CACNB2: variants seen among roughly 807,000 people sequenced by gnomAD.
CACNB2 encodes the protein voltage-dependent L-type calcium channel subunit beta-2.
Under a neutral mutation model 73.3 loss-of-function variants are expected in CACNB2, and 42 were observed. The observed-to-expected ratio is 0.57, with a 90% CI of 0.45 to 0.74. CACNB2 has a LOEUF of 0.74. Among genes scored for constraint, CACNB2 ranks in the 30% least tolerant of loss-of-function variants. CACNB2 has a pLI of 0.00. For missense variants in CACNB2, 940 were observed against 853.0 expected, an observed-to-expected ratio of 1.10 and a Z score of -1.27; for synonymous variants, 348 against 310.3, an observed-to-expected ratio of 1.12 and a Z score of -1.28.
intron 3 of CACNB2, among the ~76,000 whole-genome samples, chr10:18,426,041 T>C (rs1185885054): frequency 6.6e-6 from 1 of 152,208 alleles, no homozygotes; most frequent in Non-Finnish European, 1.5e-5. Context: ...TATCAACCCA[T>C]CATATTTTTC....
chr10:18,537,656 A>G (rs145324709), intron 12 of CACNB2, among the ~76,000 whole-genome samples: 119 of 152,190 alleles, frequency 7.8e-4, no homozygotes, highest in African/African-American at 2.8e-3. Flanking sequence ...AGGCACCTGT[A>G]ACCCCAGCTA....
Position 18,543,311 on chromosome 10 carries a change from C to A in CACNB2, c.*3587C>A, listed in dbSNP as rs966011871. On this transcript the variant is annotated 3_prime_UTR_variant, in exon 14 of 14. Transcript: ENST00000324631. ...TATGTCTGATTAAAAAAAAAGATAC[C>A]TCCACGTAGATAAAATATTTTATTC... is the stretch of plus-strand genomic sequence containing the variant. The A allele has an allele frequency of 2.0e-5, 3 of 151,898 alleles. No homozygotes were observed. The highest frequency in any genetic ancestry group is 7.3e-5 in the African/African-American group (3 of 41,352). The allele number at this position is 151,898 out of a possible 1,614,324, so 9.4% of individuals were successfully genotyped here.
At chr10:18,347,911 G>C (rs867196813) in intron 2 of CACNB2, among the ~76,000 whole-genome samples, 2 of 152,192 alleles carry the variant, frequency 1.3e-5, no homozygotes, top group African/African-American at 4.8e-5. Context: ...TACATCAGAA[G>C]GTTTTGAGCG....
At chr10:18,260,346 G>T (rs1461291989) in intron 2 of CACNB2, 1 of 694,996 alleles carries the variant, frequency 1.4e-6, no homozygotes, top group African/African-American at 1.9e-5. Flanking sequence ...ATCATAGGTG[G>T]TATGAGATCT....
intron 2 of CACNB2, among the ~76,000 whole-genome samples, chr10:18,234,944 C>A (rs1032358985): frequency 5.8e-4 from 86 of 149,556 alleles, no homozygotes; most frequent in Admixed American, 1.9e-3. Context: ...GAGATCGAGA[C>A]CATCCTGGCT....
intron 2 of CACNB2, among the ~76,000 whole-genome samples, chr10:18,347,874 TGAAAG>T (rs1270715760): frequency 1.3e-5 from 2 of 152,202 alleles, no homozygotes; most frequent in East Asian, 3.8e-4. Context: ...TATAAACACT[TGAAAG>T]GAATTTTTCA....
rs1032878637 is a variant in CACNB2 at position 18,385,406 on chromosome 10, C to T, written c.214-16518C>T. On this transcript the variant is annotated intron_variant, in intron 2 of 13. Coordinates refer to ENST00000324631, the MANE Select transcript of CACNB2 (RefSeq NM_201596.3). ...CCCACAGGTTTTAAAAATGTGCAGC[C>T]ACTTAAATGTTCTAGAGCTAGCCTA... Among the ~76,000 whole-genome samples the T allele has an allele frequency of 7.5e-5, 10 of 133,902 alleles. No individual in the cohort carries two copies. The South Asian group carries it at 1.8e-3, about 24-fold the overall frequency. The allele number at this position is 133,902 out of a possible 152,430, so 87.8% of individuals were successfully genotyped here. A position where few individuals can be genotyped will look rare whatever the true frequency, so the allele number is the denominator to read the frequency against.
In CACNB2 at chr10:18,401,894, C is replaced by G. The variant is rs373373786; in HGVS notation, c.214-30C>G. ...CCAATGCAAACATCATAGACTGAAT[C>G]TACTTTAAAATGTACATTTTCCTCT... On this transcript the variant is annotated intron_variant, in intron 2 of 13. Transcript: ENST00000324631. The G allele has an allele frequency of 8.1e-6, 13 of 1,611,888 alleles. No homozygotes were observed. The African/African-American group carries it at 1.6e-4, about 20-fold the overall frequency.
Position 18,520,041 on chromosome 10 carries a change from C to G in CACNB2, c.944+1073C>G. 1.1e-5 allele frequency: 3 copies of G among 274,052 alleles called. No homozygotes were observed. In the South Asian group the frequency reaches 1.1e-4, roughly 10 times the overall value. 17.0% of individuals were successfully genotyped at this position (274,052 alleles called of 1,614,324 possible). A position where few individuals can be genotyped will look rare whatever the true frequency, so the allele number is the denominator to read the frequency against. ...CTCATCAACTGGAAATCTTGGACAG[C>G]CCAGGGCTAAGCTCTATGATGTCTT... On this transcript the variant is annotated intron_variant, in intron 9 of 13. Coordinates refer to ENST00000324631, the MANE Select transcript of CACNB2 (RefSeq NM_201596.3).
intron 2 of CACNB2, among the ~76,000 whole-genome samples, chr10:18,306,615 T>C (rs147824878): frequency 2.6e-5 from 4 of 152,166 alleles, no homozygotes; most frequent in Non-Finnish European, 5.9e-5. Flanking sequence ...TAAAGTGTTA[T>C]GTATGGACAT....
chr10:18,342,286 A>G (rs61839208), intron 2 of CACNB2, among the ~76,000 whole-genome samples: 1 of 152,156 alleles, frequency 6.6e-6, no homozygotes, highest in African/African-American at 2.4e-5. Flanking sequence ...AAAACTGGTC[A>G]CAATTATGTC....
Position 18,450,626 on chromosome 10 carries a change from C to CTTT in CACNB2, c.334-47714_334-47712dup, listed in dbSNP as rs34566433. ...TCGCCAGCTCCAGCTGCTTTTTTTT[C>CTTT]TTTTTTTTTTTTTTTTTGAGGAGTC... On this transcript the variant is annotated intron_variant, in intron 3 of 13. Coordinates refer to ENST00000324631, the MANE Select transcript of CACNB2 (RefSeq NM_201596.3). Among the ~76,000 whole-genome samples, 487 of 130,930 alleles carry CTTT rather than the reference C, an allele frequency of 3.7e-3. 6 individuals are homozygous for CTTT. The highest frequency in any genetic ancestry group is 0.013 in the African/African-American group (452 of 34,506). 85.9% of individuals were successfully genotyped at this position (130,930 alleles called of 152,430 possible).
intron 3 of CACNB2, among the ~76,000 whole-genome samples, chr10:18,452,905 T>C (rs750665054): frequency 6.6e-6 from 1 of 152,196 alleles, no homozygotes; most frequent in Non-Finnish European, 1.5e-5. Flanking sequence ...CCACGCTTGA[T>C]AGCAGACCTG....
intron 3 of CACNB2, among the ~76,000 whole-genome samples, chr10:18,429,994 A>G: frequency 6.6e-6 from 1 of 152,022 alleles, no homozygotes; most frequent in East Asian, 1.9e-4. Flanking sequence ...ACAAAACAAA[A>G]AAAGTCAACT....
At chr10:18,443,749 C>G (rs1400971600) in intron 3 of CACNB2, among the ~76,000 whole-genome samples, 1 of 145,172 alleles carries the variant, frequency 6.9e-6, no homozygotes, top group Non-Finnish European at 1.5e-5. Flanking sequence ...GAGTCTCACT[C>G]TGTCACCCAG....
At chr10:18,183,488 G>A (rs1251251333) in intron 2 of CACNB2, among the ~76,000 whole-genome samples, 2 of 152,144 alleles carry the variant, frequency 1.3e-5, no homozygotes, top group Non-Finnish European at 2.9e-5. Flanking sequence ...AGTTCCACAT[G>A]GCTGGGGAGG....
intron 2 of CACNB2, among the ~76,000 whole-genome samples, chr10:18,389,897 T>C (rs528063805): frequency 2.0e-5 from 3 of 152,214 alleles, no homozygotes; most frequent in Non-Finnish European, 4.4e-5. Flanking sequence ...CTAATTGATT[T>C]TTTCGTGAAT....
intron 3 of CACNB2, among the ~76,000 whole-genome samples, chr10:18,493,319 C>T (rs889027400): frequency 2.0e-5 from 3 of 152,150 alleles, no homozygotes; most frequent in Non-Finnish European, 2.9e-5. Context: ...CAGGTCTGGC[C>T]ACCACGCCTG....
Position 18,140,613 on chromosome 10 carries a change from A to T in CACNB2, c.-124A>T. Reference sequence around the variant, plus strand: ...CGGGGCGCTGCGGGGCGCTGCGCCGAGAACGGCCGGGCCTGAGCCCTGGGC... The same window carrying T: ...CGGGGCGCTGCGGGGCGCTGCGCCGTGAACGGCCGGGCCTGAGCCCTGGGC... On this transcript the variant is annotated 5_prime_UTR_variant, in exon 1 of 14. Transcript: ENST00000324631. 1 of 721,992 alleles carries T rather than the reference A, an allele frequency of 1.4e-6. No individual in the cohort carries two copies. Among genetic ancestry groups the T allele is most frequent in the Non-Finnish European group, 2.1e-6 (1 of 471,638 alleles). The allele number at this position is 721,992 out of a possible 1,614,324, so 44.7% of individuals were successfully genotyped here.
Sources: gnomAD v4.1 joint callset for allele counts (sites outside exome capture counted in the v4.1 genomes callset) on GRCh38, gnomAD v4.1.1 for gene constraint, MANE v1.5 for transcripts, NCBI Gene and HGNC (gene_info 2026-07-23, HGNC 2026-07-21) for gene names.